The following UNC45B variants were observed in gnomAD, a reference collection of about 807,000 sequenced individuals.
UNC45B encodes unc-45 myosin chaperone B, also known as protein unc-45 homolog B.
In UNC45B, 78 loss-of-function variants were observed where a neutral mutation model predicts 98.7. The ratio of observed to expected loss-of-function variants is 0.79; its 90% CI spans 0.66 to 0.95. The LOEUF is 0.95. Among genes scored for constraint, UNC45B ranks in the 40% least tolerant of loss-of-function variants. The pLI is 0.00. For synonymous variants in UNC45B, 462 were observed against 480.4 expected (o/e 0.96, Z 0.50); for missense variants, 1,225 against 1,184.9 (o/e 1.03, Z -0.50).
At chr17:35,183,624 A>G (rs1289856212) in intron 19 of UNC45B, 42 bp downstream of exon 19, 2 of 1,458,430 alleles carry the variant, frequency 1.4e-6, no homozygotes, top group Non-Finnish European at 1.8e-6. Context: ...GGGTGGCTCC[A>G]GGGAATCTCC....
intron 9 of UNC45B, among the ~76,000 whole-genome samples, chr17:35,167,780 AC>A: frequency 6.6e-6 from 1 of 151,892 alleles, no homozygotes. Flanking sequence ...TCTCTAATAA[AC>A]TTCCTGCATG....
chr17:35,154,593 T>C lies in UNC45B; in HGVS notation c.491T>C (p.Val164Ala), dbSNP rs1567754943. Residue 164 changes from valine (V) to alanine (A), a missense_variant, in exon 6 of 20, where the codon GTC (valine) becomes GCC (alanine). By Grantham distance (64) the Val-to-Ala change is moderately conservative. Coordinates refer to ENST00000394570, the MANE Select transcript of UNC45B (RefSeq NM_001267052.2). ...KREKAANNLIVLGREEAGAEK... is the reference protein window; with the variant it reads ...KREKAANNLIALGREEAGAEK... ...CTTCAGGCTGCCAACAATCTCATTGTCCTAGGCCGTGAGGAAGCAGGGGCT... is the reference window on the plus strand; with the variant it reads ...CTTCAGGCTGCCAACAATCTCATTGCCCTAGGCCGTGAGGAAGCAGGGGCT... The C allele has an allele frequency of 6.2e-7, 1 of 1,613,608 alleles. No homozygotes were observed. Among genetic ancestry groups the C allele is most frequent in the Non-Finnish European group, 8.5e-7 (1 of 1,179,846 alleles).
chr17:35,168,248 C>G lies in UNC45B; in HGVS notation c.1339C>G (p.His447Asp). The G allele has an allele frequency of 6.3e-7, 1 of 1,578,680 alleles. No individual in the cohort carries two copies. Among genetic ancestry groups the G allele is most frequent in the Non-Finnish European group, 8.6e-7 (1 of 1,162,130 alleles). The change falls in exon 10 of 20, where the codon CAT becomes GAT. Residue 447 changes from histidine to aspartate, a missense_variant. His to Asp is a moderately conservative substitution (Grantham distance 81). Coordinates refer to ENST00000394570, the MANE Select transcript of UNC45B (RefSeq NM_001267052.2). ...GCTGGTGGCCGTGGAGGCCCTCATCCATGCCTCCACGAAGCTCAGCCGCGC... is the reference window on the plus strand; with the variant it reads ...GCTGGTGGCCGTGGAGGCCCTCATCGATGCCTCCACGAAGCTCAGCCGCGC... ...DQLVAVEALIHASTKLSRATF... is the reference protein window; with the variant it reads ...DQLVAVEALIDASTKLSRATF...
intron 2 of UNC45B, 103 bp from the exon 3 acceptor site, chr17:35,148,870 G>A: frequency 1.4e-6 from 2 of 1,429,866 alleles, no homozygotes; most frequent in South Asian, 2.4e-5. Context: ...ACAGCCTGCA[G>A]CTCCCCCAGG....
chr17:35,151,176 G>T (rs1211944308), intron 4 of UNC45B: 1 of 299,338 alleles, frequency 3.3e-6, no homozygotes, highest in Non-Finnish European at 6.5e-6. Flanking sequence ...CCATTACTGA[G>T]GGAATCCTGG....
intron 8 of UNC45B, among the ~76,000 whole-genome samples, chr17:35,162,870 T>C (rs1482266): frequency 0.72 from 110,138 of 152,084 alleles, 40,029 homozygotes; most frequent in East Asian, 0.88. Context: ...GAATGTTCTT[T>C]CTCCCACTTC....
chr17:35,175,691 G>C (rs903227329), intron 14 of UNC45B, among the ~76,000 whole-genome samples: 3 of 152,182 alleles, frequency 2.0e-5, no homozygotes, highest in African/African-American at 7.2e-5. Context: ...CATTGAAGTT[G>C]AAAAGCTTCT....
At chr17:35,164,199 T>C (rs764006207) in intron 9 of UNC45B, 33 bp downstream of exon 9, 4 of 1,582,684 alleles carry the variant, frequency 2.5e-6, no homozygotes, top group Non-Finnish European at 3.4e-6. Context: ...AGGGTCAGGC[T>C]CTGTCTTGGT....
chr17:35,173,647 T>C (rs2092205288), intron 13 of UNC45B, among the ~76,000 whole-genome samples: 1 of 152,084 alleles, frequency 6.6e-6, no homozygotes, highest in Non-Finnish European at 1.5e-5. Context: ...TAGTACTAAC[T>C]CTGATCTTCC....
At chr17:35,183,915 T>C (rs2092288594) in intron 19 of UNC45B, among the ~76,000 whole-genome samples, 1 of 151,986 alleles carries the variant, frequency 6.6e-6, no homozygotes, top group Admixed American at 6.5e-5. Flanking sequence ...AGCACGGATG[T>C]GGTTGGGATG....
In UNC45B at chr17:35,170,061, C is replaced by T. The variant is rs762313958; in HGVS notation, c.1548-53C>T. 56 of 1,601,068 alleles carry T rather than the reference C, an allele frequency of 3.5e-5. 1 individual carries two copies. Among genetic ancestry groups the T allele is most frequent in the Admixed American group, 6.7e-5 (4 of 59,454 alleles). ...TTCACCACCCTGAAATCGCTTCACC[C>T]TCTTGACCTAGCCCTGGGCCCCTTC... On this transcript the variant is annotated intron_variant, in intron 11 of 19. Coordinates refer to ENST00000394570, the MANE Select transcript of UNC45B (RefSeq NM_001267052.2).
chr17:35,181,354 T>G (rs2092272428), intron 18 of UNC45B, among the ~76,000 whole-genome samples: 1 of 152,202 alleles, frequency 6.6e-6, no homozygotes, highest in Non-Finnish European at 1.5e-5. Flanking sequence ...GGTCTAAGTT[T>G]GAGGCCCTTC....
chr17:35,186,371 G>T lies in UNC45B; in HGVS notation c.2602G>T (p.Val868Phe), dbSNP rs1407659964. ...DQLSVQHRGL[V>F]IAYNLLAADA... ...GCTGTCTGTCCAACACCGGGGCCTG[G>T]TCATTGCCTACAACCTACTGGCAGC... is the stretch of plus-strand genomic sequence containing the variant. Residue 868 changes from valine to phenylalanine, a missense_variant, in exon 20 of 20, where the codon GTC (valine) becomes TTC (phenylalanine). Coordinates refer to ENST00000394570, the MANE Select transcript of UNC45B (RefSeq NM_001267052.2). 1.2e-6 allele frequency: 2 copies of T among 1,614,186 alleles called. No homozygotes were observed. Among genetic ancestry groups the T allele is most frequent in the Non-Finnish European group, 1.7e-6 (2 of 1,180,038 alleles).
intron 15 of UNC45B, among the ~76,000 whole-genome samples, 162 bp from the exon 16 acceptor site, chr17:35,176,855 T>G (rs2092237420): frequency 6.6e-6 from 1 of 152,214 alleles, no homozygotes; most frequent in South Asian, 2.1e-4. Context: ...AGTGAATATG[T>G]GATTAAGGAT....
chr17:35,149,784 C>A (rs1328941147), intron 3 of UNC45B, among the ~76,000 whole-genome samples: 2 of 152,168 alleles, frequency 1.3e-5, no homozygotes, highest in Non-Finnish European at 2.9e-5. Flanking sequence ...TGGTTAAGCC[C>A]CTGGCAGGGA....
chr17:35,152,302 AC>A (rs901899985), intron 4 of UNC45B, among the ~76,000 whole-genome samples: 1 of 151,950 alleles, frequency 6.6e-6, no homozygotes, highest in East Asian at 1.9e-4. Flanking sequence ...AGTAGTGTGG[AC>A]CCCCCCAAAC....
chr17:35,174,555 C>A (rs1341385927), intron 14 of UNC45B, among the ~76,000 whole-genome samples, 186 bp downstream of exon 14: 1 of 152,154 alleles, frequency 6.6e-6, no homozygotes, highest in African/African-American at 2.4e-5. Flanking sequence ...GGTGGTGGCT[C>A]ATGCCTGTAA....
chr17:35,149,048 C>T, intron 3 of UNC45B, 39 bp downstream of exon 3: 1 of 1,612,790 alleles, frequency 6.2e-7, no homozygotes, highest in Admixed American at 1.7e-5. Flanking sequence ...CTGTCACATT[C>T]TCCTCTGCAT....
At position 35,153,019 on chromosome 17, in the gene UNC45B, ACCCGC is replaced by A. The variant is rs751179433; in HGVS notation, c.471+39_471+43del. The A allele has an allele frequency of 3.4e-5, 50 of 1,472,306 alleles. 2 individuals are homozygous for A. The South Asian group carries it at 6.0e-4, about 18-fold the overall frequency. 91.2% of individuals were successfully genotyped at this position (1,472,306 alleles called of 1,614,324 possible). On this transcript the variant is annotated intron_variant, in intron 5 of 19. Transcript: ENST00000394570. ...CCAGTGCCATCCAGCCAGCAGAAGG[ACCCGC>A]CAGTCTGGACAGTGACATCATTCCG...
Sources: allele counts gnomAD v4.1 joint callset (sites outside exome capture counted in the v4.1 genomes callset), GRCh38; gene constraint gnomAD v4.1.1; transcripts MANE v1.5; gene names NCBI Gene and HGNC (gene_info 2026-07-23, HGNC 2026-07-21).